The following NUBPL variants were observed in gnomAD, a reference collection of about 807,000 sequenced individuals.
NUBPL encodes the protein iron-sulfur cluster transfer protein NUBPL.
A neutral mutation model predicts 45.7 loss-of-function variants in NUBPL; 31 were observed. The observed-to-expected ratio is 0.68, with a 90% CI of 0.51 to 0.92. The LOEUF (loss-of-function observed/expected upper bound fraction) is 0.92. Ranked by LOEUF, NUBPL falls within the 40% of genes least tolerant of loss-of-function variation. The pLI is 0.00. For synonymous variants in NUBPL, 144 were observed against 140.9 expected (o/e 1.02, Z -0.15); for missense variants, 401 against 398.7 (o/e 1.01, Z -0.05).
intron 4 of NUBPL, among the ~76,000 whole-genome samples, chr14:31,643,144 A>G (rs1203975235): frequency 6.6e-6 from 1 of 152,108 alleles, no homozygotes; most frequent in Non-Finnish European, 1.5e-5. Context: ...TATATGCTTT[A>G]TCTCTTTCTC....
intron 6 of NUBPL, among the ~76,000 whole-genome samples, chr14:31,689,807 G>C (rs148147095): frequency 0.011 from 1,611 of 152,256 alleles, 24 homozygotes; most frequent in African/African-American, 0.037. Context: ...TTACATTTAA[G>C]TCTTTAATCC....
intron 8 of NUBPL, among the ~76,000 whole-genome samples, chr14:31,834,384 T>G (rs749985321): frequency 2.7e-4 from 41 of 152,210 alleles, no homozygotes; most frequent in East Asian, 7.7e-4. Context: ...TTTCACCGTG[T>G]TAGCCAGGAT....
intron 4 of NUBPL, among the ~76,000 whole-genome samples, chr14:31,639,278 T>C (rs550341612): frequency 4.7e-4 from 71 of 152,272 alleles, no homozygotes; most frequent in Admixed American, 5.9e-4. Context: ...CGGATGTCCT[T>C]TCTGTTAGTT....
intron 6 of NUBPL, among the ~76,000 whole-genome samples, chr14:31,751,431 C>T (rs936573793): frequency 6.6e-6 from 1 of 152,248 alleles, no homozygotes; most frequent in Non-Finnish European, 1.5e-5. Flanking sequence ...GAGAAATTGA[C>T]CAAAACAATG....
chr14:31,809,306 G>A (rs141468439), intron 7 of NUBPL, among the ~76,000 whole-genome samples: 85 of 152,134 alleles, frequency 5.6e-4, no homozygotes, highest in Non-Finnish European at 9.9e-4. Flanking sequence ...CCTGTTACTC[G>A]CTATTCAGAG....
In NUBPL at chr14:31,756,161, T is replaced by C. The variant is rs542621037; in HGVS notation, c.514-31619T>C. ...TGCCTCCAGCTTTGTTCTTTTGGCT[T>C]AGGATTGACTTGGTGATGCGGGCTC... On this transcript the variant is annotated intron_variant, in intron 6 of 10. Transcript: ENST00000281081. Among the ~76,000 whole-genome samples the C allele has an allele frequency of 2.1e-3, 320 of 152,188 alleles. 1 individual carries two copies. Among genetic ancestry groups the C allele is most frequent in the African/African-American group, 7.4e-3 (306 of 41,520 alleles).
At chr14:31,827,800 A>G (rs1033395706) in intron 8 of NUBPL, among the ~76,000 whole-genome samples, 6 of 152,254 alleles carry the variant, frequency 3.9e-5, no homozygotes, top group African/African-American at 1.4e-4. Context: ...AGACCATGAC[A>G]CAGGATAAGA....
At chr14:31,654,021 T>G (rs2036078855) in intron 4 of NUBPL, 1 of 433,314 alleles carries the variant, frequency 2.3e-6, no homozygotes, top group Non-Finnish European at 4.7e-6. Context: ...TGTCTGTTTT[T>G]CTTTGCTACT....
chr14:31,657,324 C>T (rs948989796), intron 4 of NUBPL, among the ~76,000 whole-genome samples: 2 of 152,138 alleles, frequency 1.3e-5, no homozygotes, highest in African/African-American at 4.8e-5. Context: ...TTTCAAATCT[C>T]TAGTGTAACT....
At chr14:31,607,415 C>A (rs1187276994) in intron 4 of NUBPL, among the ~76,000 whole-genome samples, 1 of 151,330 alleles carries the variant, frequency 6.6e-6, no homozygotes, top group African/African-American at 2.4e-5. Flanking sequence ...CACCAGGGAC[C>A]AGTCCCGGTA....
chr14:31,786,671 A>T (rs2039290629), intron 6 of NUBPL, among the ~76,000 whole-genome samples: 1 of 152,226 alleles, frequency 6.6e-6, no homozygotes, highest in Non-Finnish European at 1.5e-5. Context: ...TGGGCAAATG[A>T]ATGAACAGGT....
chr14:31,792,821 T>C (rs1199902452), intron 7 of NUBPL, among the ~76,000 whole-genome samples: 1 of 152,146 alleles, frequency 6.6e-6, no homozygotes, highest in Non-Finnish European at 1.5e-5. Context: ...TTTGGGTTTA[T>C]TCAGGCCAGT....
rs528063065 is a variant in NUBPL, at chr14:31,822,546, G to A, written c.608-4083G>A. On this transcript the variant is annotated intron_variant, in intron 7 of 10. Transcript: ENST00000281081. Reference sequence around the variant, plus strand: ...CAGCAAAAGAGGTAGTGATTTATGTGTGAGCCAGTTATGTTTCTGTCTTCT... The same window carrying A: ...CAGCAAAAGAGGTAGTGATTTATGTATGAGCCAGTTATGTTTCTGTCTTCT... 5.3e-5 allele frequency among the ~76,000 whole-genome samples: 8 copies of A among 152,210 alleles called. No individual in the cohort carries two copies. The East Asian group carries it at 1.5e-3, about 29-fold the overall frequency.
chr14:31,562,298 T>G, intron 2 of NUBPL, 83 bp downstream of exon 2: 1 of 1,316,210 alleles, frequency 7.6e-7, no homozygotes, highest in South Asian at 1.4e-5. Flanking sequence ...TAGTTTTGTG[T>G]TTTAAAAATT....
At chr14:31,783,982 G>A (rs11156708) in intron 6 of NUBPL, among the ~76,000 whole-genome samples, 9,930 of 152,220 alleles carry the variant, frequency 0.065, 421 homozygotes, top group Non-Finnish European at 0.091. Context: ...TGCCAAGAAT[G>A]TAAAAGGAAA....
chr14:31,639,864 C>T (rs1024135303), intron 4 of NUBPL, among the ~76,000 whole-genome samples: 4 of 152,150 alleles, frequency 2.6e-5, no homozygotes, highest in Admixed American at 1.3e-4. Context: ...AGAGAGACTC[C>T]GTGGACATAG....
chr14:31,658,907 G>A lies in NUBPL; in HGVS notation c.383-14448G>A, dbSNP rs527675721. Among the ~76,000 whole-genome samples, 16 of 152,230 alleles carry A rather than the reference G, an allele frequency of 1.1e-4. No homozygotes were observed. In the East Asian group the frequency reaches 2.1e-3, roughly 20 times the overall value. On this transcript the variant is annotated intron_variant, in intron 4 of 10. Coordinates refer to ENST00000281081, the MANE Select transcript of NUBPL (RefSeq NM_025152.3). ...GAGCACTTACTTTACTAATCAAGGG[G>A]AATATAGTATTTAGATGGTGAGGCA...
At chr14:31,705,449 G>T (rs1412133317) in intron 6 of NUBPL, among the ~76,000 whole-genome samples, 1 of 152,196 alleles carries the variant, frequency 6.6e-6, no homozygotes, top group African/African-American at 2.4e-5. Context: ...AGAGCTGATT[G>T]GTCCATTTTA....
chr14:31,615,924 G>A (rs2034886462), intron 4 of NUBPL, among the ~76,000 whole-genome samples: 1 of 152,208 alleles, frequency 6.6e-6, no homozygotes, highest in South Asian at 2.1e-4. Context: ...CAGTGTAAAA[G>A]CGTTCCTATT....
Sources: gnomAD v4.1 joint callset for allele counts (sites outside exome capture counted in the v4.1 genomes callset) on GRCh38, gnomAD v4.1.1 for gene constraint, MANE v1.5 for transcripts, NCBI Gene and HGNC (gene_info 2026-07-23, HGNC 2026-07-21) for gene names.